Variants in CTNNA3 observed in about 807,000 individuals in gnomAD.
The protein encoded by CTNNA3 is catenin alpha 3, also known as catenin alpha-3.
Under a neutral mutation model 95.7 loss-of-function variants are expected in CTNNA3, and 76 were observed. The ratio of observed to expected loss-of-function variants is 0.79; its 90% confidence interval spans 0.66 to 0.96. CTNNA3 has a LOEUF of 0.96. Among genes scored for constraint, CTNNA3 ranks in the 40% least tolerant of loss-of-function variants. CTNNA3 has a pLI of 0.00. For missense variants in CTNNA3, 1,191 were observed against 1,089.8 expected (o/e 1.09, Z -1.31); for synonymous variants, 431 against 374.4 (o/e 1.15, Z -1.74).
At chr10:66,647,509 C>T (rs10822864) in intron 9 of CTNNA3, among the ~76,000 whole-genome samples, 59,412 of 112,554 alleles carry the variant, frequency 0.53, 13,026 homozygotes, top group East Asian at 0.78. Flanking sequence ...ATAAAAATTA[C>T]TCTTTTTTTT....
Position 66,913,205 on chromosome 10 carries a change from G to C in CTNNA3, c.1048-137681C>G, listed in dbSNP as rs1198678031. ...AGTGAGCCGAGATCGCGCCACTGCA[G>C]TCCGGCCTGGGCGAAAGAGCGAGAC... is the stretch of plus-strand genomic sequence containing the variant. On this transcript the variant is annotated intron_variant, in intron 7 of 17. Coordinates refer to ENST00000433211, the MANE Select transcript of CTNNA3 (RefSeq NM_013266.4). 9.8e-5 allele frequency among the ~76,000 whole-genome samples: 12 copies of C among 121,908 alleles called. 1 individual carries two copies. The highest frequency in any genetic ancestry group is 3.1e-4 in the African/African-American group (10 of 32,474). The allele number at this position is 121,908 out of a possible 152,430, so 80.0% of individuals were successfully genotyped here.
At chr10:66,054,086 C>CAA (rs2080020964) in intron 15 of CTNNA3, among the ~76,000 whole-genome samples, 1 of 152,132 alleles carries the variant, frequency 6.6e-6, no homozygotes, top group African/African-American at 2.4e-5. Context: ...GAATAATATT[C>CAA]CATTGTGTAT....
In CTNNA3 at chr10:66,629,491, C is replaced by T. The variant is rs555238368; in HGVS notation, c.1282-7707G>A. 1.3e-3 allele frequency among the ~76,000 whole-genome samples: 198 copies of T among 152,170 alleles called. 1 individual carries two copies. Among genetic ancestry groups the T allele is most frequent in the African/African-American group, 4.7e-3 (194 of 41,520 alleles). On this transcript the variant is annotated intron_variant, in intron 9 of 17. Transcript: ENST00000433211. ...AACCTATATTTTTGCTGTCCTCTAC[C>T]CTAGTTAAGATTTTGATCAGTTTTA...
At chr10:67,227,084 C>CTTT (rs113895568) in intron 5 of CTNNA3, among the ~76,000 whole-genome samples, 1 of 144,460 alleles carries the variant, frequency 6.9e-6, no homozygotes, top group Non-Finnish European at 1.5e-5. Flanking sequence ...GCAAAGGTAG[C>CTTT]TTTTTTTTTC....
chr10:67,615,048 A>G (rs529633968), intron 2 of CTNNA3, among the ~76,000 whole-genome samples: 1 of 152,354 alleles, frequency 6.6e-6, no homozygotes, highest in Admixed American at 6.5e-5. Flanking sequence ...AACTACGGTC[A>G]CATTCTGAGA....
At chr10:66,529,922 A>T (rs1841407355) in intron 10 of CTNNA3, among the ~76,000 whole-genome samples, 1 of 152,170 alleles carries the variant, frequency 6.6e-6, no homozygotes, top group African/African-American at 2.4e-5. Flanking sequence ...TTTTCACAGA[A>T]ATACATGTAT....
At chr10:66,143,362 C>T (rs1408760249) in intron 13 of CTNNA3, among the ~76,000 whole-genome samples, 1 of 151,962 alleles carries the variant, frequency 6.6e-6, no homozygotes, top group East Asian at 1.9e-4. Flanking sequence ...GCTAACTGGT[C>T]CATAATTGTT....
At chr10:66,366,280 T>C (rs141499406) in intron 12 of CTNNA3, among the ~76,000 whole-genome samples, 93 of 152,202 alleles carry the variant, frequency 6.1e-4, no homozygotes, top group African/African-American at 2.1e-3. Flanking sequence ...GTCAGTTAGG[T>C]GTAATGTGTA....
In CTNNA3 at chr10:66,409,854, C is replaced by T. The variant is rs115278505; in HGVS notation, c.1532-30502G>A. Among the ~76,000 whole-genome samples, 407 of 152,214 alleles carry T rather than the reference C, an allele frequency of 2.7e-3. 3 individuals are homozygous for T. The highest frequency in any genetic ancestry group is 9.3e-3 in the African/African-American group (385 of 41,546). On this transcript the variant is annotated intron_variant, in intron 11 of 17. Transcript: ENST00000433211. The stretch of plus-strand genomic sequence containing the variant: ...TACAATCAGGGACCTTCACTTATTC[C>T]TTATTTTTCTCCTAAGGAAGTCTTT...
intron 7 of CTNNA3, among the ~76,000 whole-genome samples, chr10:66,851,415 T>C (rs1471833112): frequency 6.6e-6 from 1 of 152,146 alleles, no homozygotes; most frequent in Non-Finnish European, 1.5e-5. Context: ...GTGATATAGA[T>C]AGATATTTGG....
chr10:66,307,012 C>T (rs1194577038), intron 12 of CTNNA3, among the ~76,000 whole-genome samples: 3 of 152,168 alleles, frequency 2.0e-5, no homozygotes, highest in African/African-American at 7.2e-5. Flanking sequence ...GTGTCAGGCA[C>T]AACGGCAAGC....
At chr10:66,797,079 GT>G (rs149389384) in intron 7 of CTNNA3, among the ~76,000 whole-genome samples, 40 of 147,624 alleles carry the variant, frequency 2.7e-4, no homozygotes, top group Middle Eastern at 3.5e-3. Flanking sequence ...TTGTAAATTT[GT>G]TTTTTTTTTC....
chr10:66,750,990 C>T (rs988967469), intron 9 of CTNNA3, among the ~76,000 whole-genome samples: 1 of 152,048 alleles, frequency 6.6e-6, no homozygotes, highest in African/African-American at 2.4e-5. Context: ...AAATTCCAGG[C>T]TGGGCGTGGT....
chr10:67,482,734 C>G (rs1848283153), intron 5 of CTNNA3, among the ~76,000 whole-genome samples: 1 of 152,058 alleles, frequency 6.6e-6, no homozygotes, highest in Non-Finnish European at 1.5e-5. Context: ...ATTGAATACC[C>G]TTTATTTCCT....
chr10:67,665,357 A>C (rs1265139530), intron 1 of CTNNA3, among the ~76,000 whole-genome samples: 1 of 152,252 alleles, frequency 6.6e-6, no homozygotes, highest in Non-Finnish European at 1.5e-5. Context: ...TAGTGTTACT[A>C]AAACGAAAAT....
chr10:66,031,852 C>T (rs2079454615), intron 15 of CTNNA3, among the ~76,000 whole-genome samples: 1 of 152,168 alleles, frequency 6.6e-6, no homozygotes, highest in South Asian at 2.1e-4. Context: ...TCCTACCACA[C>T]AAATTAGGAG....
chr10:66,559,154 C>A (rs907916785), intron 10 of CTNNA3, among the ~76,000 whole-genome samples: 2 of 152,000 alleles, frequency 1.3e-5, no homozygotes, highest in Non-Finnish European at 2.9e-5. Flanking sequence ...TAGTTATTAC[C>A]TATACAAATC....
At chr10:66,556,806 C>G (rs1282798408) in intron 10 of CTNNA3, among the ~76,000 whole-genome samples, 1 of 151,986 alleles carries the variant, frequency 6.6e-6, no homozygotes, top group African/African-American at 2.4e-5. Context: ...TAACTTTCAG[C>G]ATGATGACTA....
chr10:66,691,852 G>A (rs1048353778), intron 9 of CTNNA3, among the ~76,000 whole-genome samples: 1 of 152,208 alleles, frequency 6.6e-6, no homozygotes, highest in South Asian at 2.1e-4. Flanking sequence ...AGGCAAACAG[G>A]GTCTGGAGTG....
Sources: gnomAD v4.1 joint callset for allele counts (sites outside exome capture counted in the v4.1 genomes callset) on GRCh38, gnomAD v4.1.1 for gene constraint, MANE v1.5 for transcripts, NCBI Gene and HGNC (gene_info 2026-07-23, HGNC 2026-07-21) for gene names.